CIZ1: variants seen among roughly 807,000 people sequenced by gnomAD.
The protein encoded by CIZ1 is cip1-interacting zinc finger protein.
Under a neutral mutation model 118.6 loss-of-function variants are expected in CIZ1, and 58 were observed. The observed-to-expected ratio is 0.49, with a 90% CI of 0.40 to 0.61. The LOEUF (loss-of-function observed/expected upper bound fraction) is 0.61, where lower values mean the gene tolerates loss of function less well. CIZ1 is among the 20% of genes least tolerant of loss of function. The pLI is 0.00. For missense variants in CIZ1, 921 were observed against 1,115.9 expected (o/e 0.83, Z 2.49); for synonymous variants, 448 against 443.4 (o/e 1.01, Z -0.13).
chr9:128,180,624 CCCTGCCTCCCACA>C, intron 6 of CIZ1, 84 bp downstream of exon 6: 21 of 1,354,290 alleles, frequency 1.6e-5, no homozygotes, highest in Non-Finnish European at 4.2e-6. Flanking sequence ...CACCAAGAAC[CCCTGCCTCCCACA>C]CCTGCCTCTA....
At chr9:128,194,798 A>G (rs1411242826), upstream of CIZ1, among the ~76,000 whole-genome samples, 1 of 152,150 alleles carries the variant, frequency 6.6e-6, no homozygotes, top group Non-Finnish European at 1.5e-5. Flanking sequence ...AGCCTGGGCA[A>G]CAAGAGCAAA....
At chr9:128,191,942 A>T, upstream of CIZ1, 2 of 1,420,024 alleles carry the variant, frequency 1.4e-6, no homozygotes, top group Admixed American at 2.6e-5. The surrounding 1 kb of genome is among the most constrained non-coding windows in gnomAD (Gnocchi z 5.5). Flanking sequence ...ATGTACATTC[A>T]TTCGAGGGAC....
chr9:128,185,650 G>C lies in CIZ1; in HGVS notation c.485C>G (p.Pro162Arg). 1 of 1,585,650 alleles carries C rather than the reference G, an allele frequency of 6.3e-7. No individual in the cohort carries two copies. The highest frequency in any genetic ancestry group is 8.6e-7 in the Non-Finnish European group (1 of 1,165,086). ...PQATRQSLLG[P>R]PPVGVPMNPS... ...GTTCATGGGGACCCCAACAGGAGGA[G>C]GTCCCAGCAAGGACTGGCGAGTGGC... The change falls in exon 5 of 17, where the codon CCT becomes CGT. Residue 162 changes from proline to arginine, a missense_variant. By Grantham distance (103) the Pro-to-Arg change is moderately radical (BLOSUM62 -2). Coordinates refer to ENST00000372938, the MANE Select transcript of CIZ1 (RefSeq NM_001131016.2).
At chr9:128,174,740 A>G (rs1588150370) in intron 11 of CIZ1, among the ~76,000 whole-genome samples, 1 of 151,370 alleles carries the variant, frequency 6.6e-6, no homozygotes, top group African/African-American at 2.4e-5. Context: ...GCTCACTGCA[A>G]CCTCCGCCCC....
At chr9:128,179,733 C>T (rs1355011032) in intron 7 of CIZ1, among the ~76,000 whole-genome samples, 1 of 152,034 alleles carries the variant, frequency 6.6e-6, no homozygotes, top group African/African-American at 2.4e-5. Flanking sequence ...AGTGCAATGG[C>T]GCGATCTCGG....
At chr9:128,178,516 C>T in intron 8 of CIZ1, 26 bp from the exon 9 acceptor site, 1 of 1,614,012 alleles carries the variant, frequency 6.2e-7, no homozygotes, top group Non-Finnish European at 8.5e-7. Flanking sequence ...TGCTGTATTT[C>T]CCAGAGTCCC....
At position 128,203,177 on chromosome 9, in the gene CIZ1, T is replaced by C. The variant is rs1490168117; in HGVS notation, c.-6+1009A>G. On this transcript the variant is annotated intron_variant, in intron 1 of 17. Coordinates refer to the CIZ1 transcript ENST00000372948. This position sits in a 1 kb window ranked among gnomAD's most constrained non-coding sequence, Gnocchi z 5.3. ...GAGTGAGACCCAACCCATTGACAAA[T>C]ATATTCTGCGCAGCATCCGCGCACC... Among the ~76,000 whole-genome samples the C allele has an allele frequency of 6.6e-6, 1 of 152,018 alleles. No homozygotes were observed. Among genetic ancestry groups the C allele is most frequent in the Non-Finnish European group, 1.5e-5 (1 of 67,980 alleles).
In CIZ1 at chr9:128,170,066, T is replaced by C; in HGVS notation, c.1985A>G (p.Tyr662Cys). 2 of 1,614,102 alleles carry C rather than the reference T, an allele frequency of 1.2e-6. No individual in the cohort carries two copies. Among genetic ancestry groups the C allele is most frequent in the Non-Finnish European group, 1.7e-6 (2 of 1,180,008 alleles). The change falls in exon 12 of 17, where the codon TAC becomes TGC. Residue 662 changes from tyrosine to cysteine, a missense_variant. By Grantham distance (194) the Tyr-to-Cys change is radical. Coordinates refer to ENST00000372938, the MANE Select transcript of CIZ1 (RefSeq NM_001131016.2). ...PRRWCNTCQL[Y>C]YMGDLIQHRR... ...GTGTTGGATCAGGTCCCCCATGTAG[T>C]AGAGCTGGCAGGTGTTGCACCAGCG...
intron 3 of CIZ1, 90 bp from the exon 4 acceptor site, chr9:128,188,024 T>C: frequency 3.5e-6 from 1 of 289,186 alleles, no homozygotes; most frequent in Non-Finnish European, 6.6e-6. Flanking sequence ...AAACAACATA[T>C]TCATCCCAGG....
Position 128,191,275 on chromosome 9 carries a change from G to C in CIZ1, c.-6+157C>G, listed in dbSNP as rs2131031564. The C allele has an allele frequency of 4.5e-6, 1 of 220,268 alleles. No individual in the cohort carries two copies. Among genetic ancestry groups the C allele is most frequent in the Non-Finnish European group, 8.4e-6 (1 of 118,470 alleles). 13.6% of individuals were successfully genotyped at this position (220,268 alleles called of 1,614,324 possible). ...ATAACATCGGCACCCGTCCAACCCG[G>C]TCACCGTGGTCCTGAGCTCCGTGGG... On this transcript the variant is annotated intron_variant, in intron 1 of 16. Coordinates refer to ENST00000372938, the MANE Select transcript of CIZ1 (RefSeq NM_001131016.2). The surrounding 1 kb of genome is among the most constrained non-coding windows in gnomAD (Gnocchi z 5.5).
intron 7 of CIZ1, 31 bp downstream of exon 7, chr9:128,180,384 G>A (rs200363880): frequency 6.9e-5 from 106 of 1,542,908 alleles, no homozygotes; most frequent in African/African-American, 3.8e-4. Context: ...CAGGGCACCC[G>A]GGCGCAGGTC....
chr9:128,198,102 A>G (rs1019229876), intron 1 of CIZ1: 1 of 152,282 alleles, frequency 6.6e-6, no homozygotes. Flanking sequence ...GCAGGCACAG[A>G]CGCCTGGACT....
upstream of CIZ1, among the ~76,000 whole-genome samples, chr9:128,194,362 CAAAAA>C (rs757286334): frequency 1.5e-4 from 11 of 74,154 alleles, no homozygotes; most frequent in African/African-American, 5.3e-4. Flanking sequence ...AACTCCATCT[CAAAAA>C]AAAAAAAAAA....
rs191219817 is a variant in CIZ1, at chr9:128,187,951, C to T, written c.287-17G>A. The T allele has an allele frequency of 1.6e-5, 11 of 705,226 alleles. No individual in the cohort carries two copies. The highest frequency in any genetic ancestry group is 8.0e-5 in the East Asian group (3 of 37,372). 43.7% of individuals were successfully genotyped at this position (705,226 alleles called of 1,614,324 possible). A position where few individuals can be genotyped will look rare whatever the true frequency, so the allele number is the denominator to read the frequency against. ...GGTCCAGTCCTTTAGGAAAGCAATT[C>T]GGCAATACTTATCAAGAGCCATAAA... On this transcript the variant is annotated splice_polypyrimidine_tract_variant and intron_variant, in intron 3 of 16. Coordinates refer to ENST00000372938, the MANE Select transcript of CIZ1 (RefSeq NM_001131016.2).
Position 128,170,740 on chromosome 9 carries a change from C to T in CIZ1, c.1944-633G>A, listed in dbSNP as rs143804707. On this transcript the variant is annotated intron_variant, in intron 11 of 16. Transcript: ENST00000372938. ...TTATGTCAGAACAATTTGTTGTCTACTTGGAGAAGAAACGCCTTCTGCTTC... is the reference window on the plus strand; with the variant it reads ...TTATGTCAGAACAATTTGTTGTCTATTTGGAGAAGAAACGCCTTCTGCTTC... Among the ~76,000 whole-genome samples, 128 of 152,336 alleles carry T rather than the reference C, an allele frequency of 8.4e-4. 3 individuals are homozygous for T. The East Asian group carries it at 0.022, about 26-fold the overall frequency.
chr9:128,177,025 C>T (rs1470393457), intron 10 of CIZ1, among the ~76,000 whole-genome samples: 1 of 152,166 alleles, frequency 6.6e-6, no homozygotes, highest in African/African-American at 2.4e-5. Flanking sequence ...CTGCCTCAGC[C>T]TCCTGAGTAG....
intron 14 of CIZ1, 162 bp downstream of exon 14, chr9:128,168,890 A>T: frequency 9.9e-7 from 1 of 1,006,366 alleles, no homozygotes; most frequent in Non-Finnish European, 1.5e-6. Context: ...CATCATGCAT[A>T]ATTACATAGT....
Position 128,166,301 on chromosome 9 carries a change from G to A in CIZ1, c.2593C>T (p.Arg865Cys), listed in dbSNP as rs373808543. ...ALTALFTSSG[R>C]PPSQPNTQDK... ...TGGGTGTTGGGCTGGGAGGGTGGGC[G>A]GCCGCTGGAGGTGAACAGGGCTGTC... Residue 865 changes from arginine (R) to cysteine (C), a missense_variant, in exon 17 of 17, where the codon CGC becomes TGC. Coordinates refer to ENST00000372938, the MANE Select transcript of CIZ1 (RefSeq NM_001131016.2). This position sits in a 1 kb window ranked among gnomAD's most constrained non-coding sequence, Gnocchi z 4.4. The A allele has an allele frequency of 1.5e-5, 23 of 1,565,362 alleles. No individual in the cohort carries two copies. Among genetic ancestry groups the A allele is most frequent in the African/African-American group, 2.7e-5 (2 of 74,150 alleles).
At chr9:128,190,509 C>T in intron 2 of CIZ1, 65 bp from the exon 3 acceptor site, 1 of 1,399,440 alleles carries the variant, frequency 7.1e-7, no homozygotes, top group Non-Finnish European at 9.9e-7. Flanking sequence ...TTCCCCAAGG[C>T]TTCTCACCTC....
Sources: allele counts gnomAD v4.1 joint callset (sites outside exome capture counted in the v4.1 genomes callset), GRCh38; gene constraint gnomAD v4.1.1; non-coding constraint Gnocchi (gnomAD v3.1); transcripts MANE v1.5; gene names NCBI Gene and HGNC (gene_info 2026-07-23, HGNC 2026-07-21).